DENND6B: variants seen among roughly 807,000 people sequenced by gnomAD.
DENND6B encodes the protein DENN domain containing 6B, also known as protein DENND6B.
In DENND6B, 73 loss-of-function variants were observed where a neutral mutation model predicts 85.1. That is an observed-to-expected ratio of 0.86 (90% CI 0.71 to 1.04). DENND6B has a LOEUF of 1.04. Ranked by LOEUF, DENND6B falls within the 50% of genes least tolerant of loss-of-function variation. The probability of loss-of-function intolerance (pLI) is 0.00; values close to 1 mark genes in which losing one functional copy is unlikely to be tolerated. For missense variants in DENND6B, 715 were observed against 785.8 expected (o/e 0.91, Z 1.08); for synonymous variants, 357 against 329.3 (o/e 1.08, Z -0.91).
chr22:50,326,885 C>T lies in DENND6B; in HGVS notation c.104G>A (p.Trp35Ter). The T allele has an allele frequency of 7.1e-7, 1 of 1,414,534 alleles. No homozygotes were observed. Among genetic ancestry groups the T allele is most frequent in the East Asian group, 3.1e-5 (1 of 31,938 alleles). 87.6% of individuals were successfully genotyped at this position (1,414,534 alleles called of 1,614,324 possible). A position where few individuals can be genotyped will look rare whatever the true frequency, so the allele number is the denominator to read the frequency against. ...GRAARTPAAPWARFSAWLECV... is the reference protein window; with the variant it reads ...GRAARTPAAP Reference sequence around the variant, plus strand: ...CTCCAGCCAGGCGGAGAAGCGCGCCCAGGGCGCCGCCGGGGTCCGCGCCGC... The same window carrying T: ...CTCCAGCCAGGCGGAGAAGCGCGCCTAGGGCGCCGCCGGGGTCCGCGCCGC... The change falls in exon 1 of 20, where the codon TGG becomes TAG. Residue 35 changes from tryptophan to a stop codon, truncating the protein, a stop_gained. Coordinates refer to ENST00000413817, the MANE Select transcript of DENND6B (RefSeq NM_001001794.4). LOFTEE classifies it high-confidence loss of function.
chr22:50,316,765 G>A (rs920540213), intron 5 of DENND6B: 3 of 1,346,778 alleles, frequency 2.2e-6, no homozygotes, highest in Non-Finnish European at 2.9e-6. Context: ...CTCCCCAGGG[G>A]CTGAGCAGCT....
At position 50,314,892 on chromosome 22, in the gene DENND6B, T is replaced by G; in HGVS notation, c.788A>C (p.Gln263Pro). The change falls in exon 10 of 20, where the codon CAG becomes CCG. Residue 263 changes from glutamine to proline, a missense_variant. Physicochemically the swap from Gln to Pro is moderately conservative, Grantham distance 76. Transcript: ENST00000413817. ...GAGGAGCATGAGCTCCCACAGTGTC[T>G]GCATATGAGTCAGCACAGGCCGGAA... ...RCFRPVLTHM[Q>P]TLWELMLLGE... The G allele has an allele frequency of 1.2e-6, 2 of 1,612,146 alleles. No individual in the cohort carries two copies. Among genetic ancestry groups the G allele is most frequent in the Non-Finnish European group, 1.7e-6 (2 of 1,179,546 alleles).
rs1268267452 is a variant in DENND6B at position 50,311,755 on chromosome 22, TGG to T, written c.*382_*383del. On this transcript the variant is annotated 3_prime_UTR_variant, in exon 20 of 20. Transcript: ENST00000413817. Reference sequence around the variant, plus strand: ...GTCCCTCCTGTCCTGGGCAGCCTGTTGGGCTGAGGGAAGCATCACACACAGCG... The same window carrying T: ...GTCCCTCCTGTCCTGGGCAGCCTGTTGCTGAGGGAAGCATCACACACAGCG... 4.2e-6 allele frequency: 1 copy of T among 236,188 alleles called. No homozygotes were observed. The highest frequency in any genetic ancestry group is 2.3e-5 in the African/African-American group (1 of 44,054). The allele number at this position is 236,188 out of a possible 1,614,324, so 14.6% of individuals were successfully genotyped here.
At chr22:50,314,341 G>A (rs368554574) in intron 12 of DENND6B, 59 bp downstream of exon 12, 166 of 1,580,886 alleles carry the variant, frequency 1.1e-4, no homozygotes, top group Admixed American at 9.6e-4. Context: ...GCTCTGAGGC[G>A]GCCCCACACT....
At chr22:50,323,281 C>CTT (rs571677497) in intron 1 of DENND6B, among the ~76,000 whole-genome samples, 1 of 126,106 alleles carries the variant, frequency 7.9e-6, no homozygotes. Flanking sequence ...ATGCCTGGCT[C>CTT]TTTTTTTTTT....
rs1321247859 is a variant in DENND6B at position 50,322,849 on chromosome 22, C to CT, written c.178-3847dup. Among the ~76,000 whole-genome samples, 5 of 130,902 alleles carry CT rather than the reference C, an allele frequency of 3.8e-5. No individual in the cohort carries two copies. The Admixed American group carries it at 4.0e-4, about 11-fold the overall frequency. The allele number at this position is 130,902 out of a possible 152,430, so 85.9% of individuals were successfully genotyped here. On this transcript the variant is annotated intron_variant, in intron 1 of 19. Coordinates refer to ENST00000413817, the MANE Select transcript of DENND6B (RefSeq NM_001001794.4). ...ACAGGCATGAGCCACCGTGCCCAGC[C>CT]TTATTTTTTTTTTTTTCTTGAGACA...
At chr22:50,323,791 G>C (rs907211951) in intron 1 of DENND6B, among the ~76,000 whole-genome samples, 14 of 146,236 alleles carry the variant, frequency 9.6e-5, no homozygotes, top group African/African-American at 3.3e-4. Context: ...CTGGAGTGCA[G>C]TGGTGATCAT....
intron 1 of DENND6B, among the ~76,000 whole-genome samples, chr22:50,322,391 C>A (rs945971534): frequency 6.6e-6 from 1 of 151,866 alleles, no homozygotes; most frequent in Non-Finnish European, 1.5e-5. Flanking sequence ...TTTAAAACTA[C>A]AAAAGTGTCC....
chr22:50,312,989 G>T lies in DENND6B; in HGVS notation c.1457+10C>A. 1 of 1,551,144 alleles carries T rather than the reference G, an allele frequency of 6.4e-7. No homozygotes were observed. The highest frequency in any genetic ancestry group is 1.2e-5 in the South Asian group (1 of 84,076). On this transcript the variant is annotated intron_variant, in intron 17 of 19. Transcript: ENST00000413817. The stretch of plus-strand genomic sequence containing the variant: ...AGGGCTCAAGCTGCCTGCACCTGCA[G>T]TCCACGCACCTGTAGAGACCCAGCC...
Position 50,312,163 on chromosome 22 carries a change from C to A in DENND6B, c.1734G>T (p.Leu578=). The A allele has an allele frequency of 6.2e-7, 1 of 1,612,490 alleles. No individual in the cohort carries two copies. Among genetic ancestry groups the A allele is most frequent in the Non-Finnish European group, 8.5e-7 (1 of 1,179,766 alleles). Residue 578 remains leucine (L), a synonymous_variant, in exon 20 of 20, where the codon CTG becomes CTT. Coordinates refer to ENST00000413817, the MANE Select transcript of DENND6B (RefSeq NM_001001794.4). ...ETVIGSLPKD[L]QAVLCPP ...TCTAGGGAGGGCACAAGACAGCCTG[C>A]AGGTCTTTGGGCAGGGAGCCGATGA...
Position 50,309,385 on chromosome 22 carries a change from C to T in DENND6B, c.*2754G>A, listed in dbSNP as rs970708351. On this transcript the variant is annotated 3_prime_UTR_variant, in exon 20 of 20. Coordinates refer to ENST00000413817, the MANE Select transcript of DENND6B (RefSeq NM_001001794.4). The stretch of plus-strand genomic sequence containing the variant: ...TGCCTCTTCACTGACTGCCCCTGGC[C>T]TGGAGTGCGTGGGGCGGGGAGGGCC... 1.3e-5 allele frequency: 2 copies of T among 152,370 alleles called. No individual in the cohort carries two copies. The highest frequency in any genetic ancestry group is 2.9e-5 in the Non-Finnish European group (2 of 68,158). 9.4% of individuals were successfully genotyped at this position (152,370 alleles called of 1,614,324 possible).
intron 1 of DENND6B, among the ~76,000 whole-genome samples, chr22:50,324,175 A>G (rs2042130672): frequency 6.6e-6 from 1 of 151,920 alleles, no homozygotes; most frequent in South Asian, 2.1e-4. Flanking sequence ...GGCCCCTCTC[A>G]AGCTGGACCC....
At chr22:50,312,283 G>C in intron 19 of DENND6B, 22 bp from the exon 20 acceptor site, 1 of 1,611,674 alleles carries the variant, frequency 6.2e-7, no homozygotes, top group Middle Eastern at 1.7e-4. Context: ...GCCATGGTCA[G>C]GGCAGGCGCA....
intron 5 of DENND6B, chr22:50,316,699 C>A: frequency 6.8e-7 from 1 of 1,476,896 alleles, no homozygotes; most frequent in South Asian, 1.2e-5. Context: ...GCCGGTGGGG[C>A]TGGACCCTAG....
intron 8 of DENND6B, 71 bp downstream of exon 8, chr22:50,315,954 C>T (rs2041797920): frequency 1.2e-6 from 2 of 1,607,664 alleles, no homozygotes; most frequent in Non-Finnish European, 1.7e-6. Context: ...TGTGGGACCA[C>T]CCGGCCCAGG....
chr22:50,314,076 C>T (rs1049925971), intron 13 of DENND6B, 131 bp downstream of exon 13: 39 of 1,319,658 alleles, frequency 3.0e-5, no homozygotes, highest in East Asian at 1.3e-4. Flanking sequence ...CCCAAGGGTT[C>T]TGAGCTCTGC....
At chr22:50,319,314 C>T in intron 1 of DENND6B, 1 of 985,392 alleles carries the variant, frequency 1.0e-6, no homozygotes, top group Non-Finnish European at 1.2e-6. Flanking sequence ...CGGGCAACTC[C>T]CCTGCCGGCC....
Position 50,314,886 on chromosome 22 carries a change from A to T in DENND6B, c.794T>A (p.Leu265Gln), listed in dbSNP as rs1444784384. The T allele has an allele frequency of 9.9e-6, 16 of 1,612,178 alleles. No homozygotes were observed. The highest frequency in any genetic ancestry group is 1.4e-5 in the Non-Finnish European group (16 of 1,179,594). Residue 265 changes from leucine to glutamine, a missense_variant, in exon 10 of 20, where the codon CTG becomes CAG. By Grantham distance (113) the Leu-to-Gln change is moderately radical. Transcript: ENST00000413817. ...CTCCCCGAGGAGCATGAGCTCCCACAGTGTCTGCATATGAGTCAGCACAGG... is the reference window on the plus strand; with the variant it reads ...CTCCCCGAGGAGCATGAGCTCCCACTGTGTCTGCATATGAGTCAGCACAGG... Reference protein sequence around the residue: ...FRPVLTHMQTLWELMLLGEPL... With the variant: ...FRPVLTHMQTQWELMLLGEPL...
At chr22:50,319,604 G>C in intron 1 of DENND6B, 1 of 818,854 alleles carries the variant, frequency 1.2e-6, no homozygotes, top group Non-Finnish European at 1.5e-6. Context: ...CCAAGCCAGA[G>C]GGCCCCTCAC....
Sources: gnomAD v4.1 joint callset for allele counts (sites outside exome capture counted in the v4.1 genomes callset) on GRCh38, gnomAD v4.1.1 for gene constraint, MANE v1.5 for transcripts, NCBI Gene and HGNC (gene_info 2026-07-23, HGNC 2026-07-21) for gene names.